The following SORCS3 variants were observed in gnomAD, a reference collection of about 807,000 sequenced individuals.
SORCS3 encodes sortilin related VPS10 domain containing receptor 3.
Under a neutral mutation model 146.3 loss-of-function variants are expected in SORCS3, and 57 were observed. The observed-to-expected ratio is 0.39, with a 90% confidence interval of 0.31 to 0.49. The LOEUF (loss-of-function observed/expected upper bound fraction) is 0.49, where lower values mean the gene tolerates loss of function less well. SORCS3 is among the 20% of genes least tolerant of loss of function. SORCS3 has a pLI of 0.92. For synonymous variants in SORCS3, 653 were observed against 618.5 expected (o/e 1.06, Z -0.83); for missense variants, 1,341 against 1,575.5 (o/e 0.85, Z 2.52).
intron 1 of SORCS3, among the ~76,000 whole-genome samples, chr10:104,774,850 G>A (rs969056084): frequency 6.6e-5 from 10 of 152,260 alleles, no homozygotes; most frequent in African/African-American, 2.2e-4. Context: ...GATTTCCAGA[G>A]TCCCTCTCAG....
intron 1 of SORCS3, among the ~76,000 whole-genome samples, chr10:104,693,974 C>A (rs1589460186): frequency 6.6e-6 from 1 of 151,878 alleles, no homozygotes; most frequent in Non-Finnish European, 1.5e-5. Context: ...CATTTGAAAC[C>A]AAACCTCTCT....
At chr10:104,761,392 A>G (rs907967091) in intron 1 of SORCS3, among the ~76,000 whole-genome samples, 1 of 152,074 alleles carries the variant, frequency 6.6e-6, no homozygotes, top group Admixed American at 6.5e-5. Flanking sequence ...GATACATACC[A>G]TATCTGGAGA....
intron 1 of SORCS3, among the ~76,000 whole-genome samples, chr10:104,736,147 T>G (rs1039943400): frequency 6.6e-6 from 1 of 152,230 alleles, no homozygotes; most frequent in African/African-American, 2.4e-5. Flanking sequence ...CTCCTGCGAC[T>G]GGACTAAATT....
intron 9 of SORCS3, among the ~76,000 whole-genome samples, chr10:105,154,999 C>T (rs559934804): frequency 6.6e-5 from 10 of 152,212 alleles, no homozygotes; most frequent in South Asian, 2.1e-4. Flanking sequence ...TTGTTTCAGA[C>T]GGGAAGGAGA....
chr10:104,774,248 G>T (rs2017283432), intron 1 of SORCS3, among the ~76,000 whole-genome samples: 1 of 152,148 alleles, frequency 6.6e-6, no homozygotes, highest in Non-Finnish European at 1.5e-5. Flanking sequence ...TTGCCTGAAT[G>T]TTCTATCCCA....
In SORCS3 at chr10:104,941,549, C is replaced by T. The variant is rs537429355; in HGVS notation, c.795+25617C>T. Among the ~76,000 whole-genome samples the T allele has an allele frequency of 2.4e-3, 361 of 152,224 alleles. 3 individuals carry two copies. Among genetic ancestry groups the T allele is most frequent in the African/African-American group, 8.3e-3 (346 of 41,548 alleles). On this transcript the variant is annotated intron_variant, in intron 3 of 26. Transcript: ENST00000369701. ...TCTTTAGGGTTCTCAAGGCCACCAG[C>T]TTTGTTCCCAGTTTATACAGGCACT...
At chr10:104,774,533 C>T (rs183470614) in intron 1 of SORCS3, among the ~76,000 whole-genome samples, 5 of 152,240 alleles carry the variant, frequency 3.3e-5, no homozygotes, top group Admixed American at 6.5e-5. Flanking sequence ...AAATGGCTTT[C>T]GCGGGTGATT....
intron 1 of SORCS3, among the ~76,000 whole-genome samples, chr10:104,769,040 C>T (rs1384155473): frequency 6.6e-6 from 1 of 152,184 alleles, no homozygotes; most frequent in Non-Finnish European, 1.5e-5. Context: ...TTCTGTGTCT[C>T]CCCTCTCCCA....
At chr10:105,050,502 C>T (rs1413972436) in intron 5 of SORCS3, among the ~76,000 whole-genome samples, 2 of 152,066 alleles carry the variant, frequency 1.3e-5, no homozygotes, top group African/African-American at 4.8e-5. Flanking sequence ...AGTTCTAATG[C>T]AGAAATGAAT....
chr10:105,026,700 C>A (rs998889301), intron 4 of SORCS3, among the ~76,000 whole-genome samples: 11 of 151,408 alleles, frequency 7.3e-5, no homozygotes, highest in African/African-American at 2.7e-4. Flanking sequence ...AGCTGGAGAC[C>A]ATTATACTAA....
intron 4 of SORCS3, among the ~76,000 whole-genome samples, chr10:105,041,515 T>C (rs2055338401): frequency 6.7e-6 from 1 of 148,150 alleles, no homozygotes; most frequent in Admixed American, 6.8e-5. Flanking sequence ...ACATACATGT[T>C]TAATTATATG....
At chr10:105,126,347 T>A (rs1474661837) in intron 7 of SORCS3, among the ~76,000 whole-genome samples, 1 of 152,110 alleles carries the variant, frequency 6.6e-6, no homozygotes, top group Admixed American at 6.5e-5. Flanking sequence ...GCTTGACTGG[T>A]AATCTTTTCT....
chr10:104,744,042 T>A (rs987236247), intron 1 of SORCS3, among the ~76,000 whole-genome samples: 1 of 152,208 alleles, frequency 6.6e-6, no homozygotes, highest in Non-Finnish European at 1.5e-5. Flanking sequence ...CACAACACTG[T>A]GAGATGGACA....
At chr10:105,153,846 G>A (rs992191686) in intron 9 of SORCS3, among the ~76,000 whole-genome samples, 1 of 151,856 alleles carries the variant, frequency 6.6e-6, no homozygotes, top group African/African-American at 2.4e-5. Flanking sequence ...CCAGGCGGGC[G>A]AATCATGAGG....
chr10:104,849,426 A>C (rs1589522762), intron 2 of SORCS3, among the ~76,000 whole-genome samples: 1 of 151,584 alleles, frequency 6.6e-6, no homozygotes, highest in East Asian at 1.9e-4. Context: ...AAAAAAAAAA[A>C]AAAAAAAAAA....
At chr10:104,904,083 T>A (rs1242190058) in intron 2 of SORCS3, among the ~76,000 whole-genome samples, 1 of 152,248 alleles carries the variant, frequency 6.6e-6, no homozygotes, top group African/African-American at 2.4e-5. Flanking sequence ...ACACTTGAAT[T>A]AAATATCTTG....
At chr10:105,081,004 G>A (rs1404655499) in intron 5 of SORCS3, among the ~76,000 whole-genome samples, 5 of 152,096 alleles carry the variant, frequency 3.3e-5, no homozygotes, top group Admixed American at 6.5e-5. Context: ...AAATAAATGA[G>A]GTAATGGATA....
intron 1 of SORCS3, among the ~76,000 whole-genome samples, chr10:104,735,456 G>GTTTTTATTTTTTTTT (rs2016757562): frequency 2.9e-5 from 1 of 34,994 alleles, no homozygotes; most frequent in African/African-American, 1.2e-4. Flanking sequence ...CTCACCGTCT[G>GTTTTTATTTTTTTTT]TTTTTTTTTT....
chr10:105,167,131 A>T, intron 12 of SORCS3, 127 bp from the exon 13 acceptor site: 1 of 677,522 alleles, frequency 1.5e-6, no homozygotes, highest in South Asian at 2.0e-5. Flanking sequence ...TGCAAAAACT[A>T]TCTGATAGTG....
Sources: gnomAD v4.1 joint callset for allele counts (sites outside exome capture counted in the v4.1 genomes callset) on GRCh38, gnomAD v4.1.1 for gene constraint, MANE v1.5 for transcripts, NCBI Gene and HGNC (gene_info 2026-07-23, HGNC 2026-07-21) for gene names.